Variants in CADM2 observed in about 807,000 individuals in gnomAD.
CADM2 encodes immunoglobulin superfamily member 4D.
CADM2 carries 12 observed loss-of-function variants against 49.8 expected under a neutral mutation model. That is an observed-to-expected ratio of 0.24 (90% confidence interval 0.15 to 0.39). The LOEUF is 0.39. Among genes scored for constraint, CADM2 ranks in the 10% least tolerant of loss-of-function variants. The pLI is 1.00. For missense variants in CADM2, 378 were observed against 492.3 expected (o/e 0.77, Z 2.20); for synonymous variants, 214 against 175.4 (o/e 1.22, Z -1.74).
intron 1 of CADM2, among the ~76,000 whole-genome samples, chr3:85,331,893 C>G (rs1007506935): frequency 6.6e-6 from 1 of 152,068 alleles, no homozygotes; most frequent in Non-Finnish European, 1.5e-5. Flanking sequence ...GTTATCATTA[C>G]AATTTTTATT....
intron 8 of CADM2, among the ~76,000 whole-genome samples, chr3:86,064,802 A>G (rs1739119487): frequency 6.6e-6 from 1 of 152,182 alleles, no homozygotes; most frequent in Non-Finnish European, 1.5e-5. Context: ...CTTGCCTGTA[A>G]AATCCTAGTA....
intron 8 of CADM2, among the ~76,000 whole-genome samples, chr3:85,984,195 A>G (rs1179443107): frequency 6.6e-6 from 1 of 150,542 alleles, no homozygotes; most frequent in Non-Finnish European, 1.5e-5. Flanking sequence ...TATATTATGT[A>G]TGCACATATA....
intron 1 of CADM2, among the ~76,000 whole-genome samples, chr3:85,417,424 CT>C (rs960236311): frequency 6.6e-6 from 1 of 152,126 alleles, no homozygotes; most frequent in African/African-American, 2.4e-5. Flanking sequence ...CTTGGCTCTT[CT>C]TTGGGATTTT....
At chr3:85,361,629 A>G (rs1185661063) in intron 1 of CADM2, among the ~76,000 whole-genome samples, 1 of 152,144 alleles carries the variant, frequency 6.6e-6, no homozygotes, top group Non-Finnish European at 1.5e-5. Context: ...TGCATGTGAG[A>G]GGGTGGCTTT....
chr3:85,225,515 G>C (rs2042138312), intron 1 of CADM2, among the ~76,000 whole-genome samples: 1 of 152,116 alleles, frequency 6.6e-6, no homozygotes, highest in African/African-American at 2.4e-5. Flanking sequence ...GGGATGATGG[G>C]GTTTTGTAAA....
Position 85,224,529 on chromosome 3 carries a change from C to A in CADM2, c.61+264861C>A, listed in dbSNP as rs148579516. On this transcript the variant is annotated intron_variant, in intron 1 of 9. Coordinates refer to ENST00000383699, the MANE Select transcript of CADM2 (RefSeq NM_001167675.2). ...CTTTGTCAGATGGATAGATTGCAAA[C>A]ATGTTCTCCCATTCTGTAGGTTGCT... Among the ~76,000 whole-genome samples the A allele has an allele frequency of 7.1e-3, 1,074 of 152,128 alleles. 1 individual carries two copies. The highest frequency in any genetic ancestry group is 0.01 in the Non-Finnish European group (708 of 67,964).
At chr3:85,907,373 T>C (rs1283856822) in intron 5 of CADM2, among the ~76,000 whole-genome samples, 1 of 152,180 alleles carries the variant, frequency 6.6e-6, no homozygotes, top group Non-Finnish European at 1.5e-5. Flanking sequence ...ACTAAGACCA[T>C]GCTGTTTTGC....
chr3:85,167,313 T>C (rs1410469756), intron 1 of CADM2, among the ~76,000 whole-genome samples: 1 of 152,066 alleles, frequency 6.6e-6, no homozygotes. Flanking sequence ...AGTTAAGAAA[T>C]ATTTTATTAT....
chr3:85,032,549 T>C (rs531668724), intron 1 of CADM2, among the ~76,000 whole-genome samples: 1 of 152,318 alleles, frequency 6.6e-6, no homozygotes, highest in South Asian at 2.1e-4. Context: ...TATATACATT[T>C]AATCTACTGT....
chr3:85,842,024 G>C (rs767670192), intron 3 of CADM2, among the ~76,000 whole-genome samples: 4 of 151,890 alleles, frequency 2.6e-5, no homozygotes, highest in Non-Finnish European at 4.4e-5. Context: ...CACATTACTT[G>C]TATGTTATGC....
intron 1 of CADM2, among the ~76,000 whole-genome samples, chr3:85,055,530 G>A (rs2036047964): frequency 1.3e-5 from 2 of 151,984 alleles, no homozygotes; most frequent in South Asian, 2.1e-4. Flanking sequence ...AATTCAAGTG[G>A]CAATTCTCTT....
At chr3:85,492,297 T>A (rs901283327) in intron 1 of CADM2, among the ~76,000 whole-genome samples, 2 of 152,156 alleles carry the variant, frequency 1.3e-5, no homozygotes, top group Admixed American at 1.3e-4. Context: ...TCTTTATAAA[T>A]GGAATATTTC....
intron 1 of CADM2, among the ~76,000 whole-genome samples, chr3:85,011,276 C>T (rs967721977): frequency 5.9e-5 from 9 of 152,068 alleles, no homozygotes; most frequent in African/African-American, 1.4e-4. Flanking sequence ...TGTATATCTA[C>T]TCATCTCTTT....
chr3:85,709,395 C>G (rs1180880464), intron 1 of CADM2, among the ~76,000 whole-genome samples: 1 of 152,108 alleles, frequency 6.6e-6, no homozygotes, highest in African/African-American at 2.4e-5. Context: ...CCATATTACA[C>G]TGTTGTTTGT....
intron 1 of CADM2, among the ~76,000 whole-genome samples, chr3:85,206,599 G>A (rs2041648523): frequency 1.3e-5 from 2 of 151,958 alleles, no homozygotes; most frequent in Non-Finnish European, 1.5e-5. Flanking sequence ...GAGCCACCGC[G>A]CCCGGCCGAA....
At position 85,485,410 on chromosome 3, in the gene CADM2, T is replaced by C. The variant is rs181429200; in HGVS notation, c.62-241112T>C. On this transcript the variant is annotated intron_variant, in intron 1 of 9. Coordinates refer to ENST00000383699, the MANE Select transcript of CADM2 (RefSeq NM_001167675.2). ...ATTGTTAACTTCCATTCCTTCACAGTTCACTACACATATTCAGACATAGGC... is the reference window on the plus strand; with the variant it reads ...ATTGTTAACTTCCATTCCTTCACAGCTCACTACACATATTCAGACATAGGC... Among the ~76,000 whole-genome samples, 9 of 152,104 alleles carry C rather than the reference T, an allele frequency of 5.9e-5. No homozygotes were observed. The East Asian group carries it at 1.4e-3, about 23-fold the overall frequency.
At chr3:85,801,754 G>A (rs186040104) in intron 2 of CADM2, among the ~76,000 whole-genome samples, 3 of 152,162 alleles carry the variant, frequency 2.0e-5, no homozygotes, top group Admixed American at 2.0e-4. Context: ...GCAAAGCCTA[G>A]GGAAAGTAAT....
intron 1 of CADM2, among the ~76,000 whole-genome samples, chr3:85,412,677 T>A (rs1336709841): frequency 6.6e-6 from 1 of 152,056 alleles, no homozygotes; most frequent in Non-Finnish European, 1.5e-5. Context: ...TACAAAATTA[T>A]CATCCTATTG....
chr3:85,219,797 A>G (rs2107789297), intron 1 of CADM2, among the ~76,000 whole-genome samples: 1 of 152,306 alleles, frequency 6.6e-6, no homozygotes, highest in East Asian at 1.9e-4. Context: ...TGTTCACTTG[A>G]CAGTCAAAGA....
Sources: allele counts gnomAD v4.1 joint callset (sites outside exome capture counted in the v4.1 genomes callset), GRCh38; gene constraint gnomAD v4.1.1; transcripts MANE v1.5; gene names NCBI Gene and HGNC (gene_info 2026-07-23, HGNC 2026-07-21).